Variants in UGT1A10 observed in about 807,000 individuals in gnomAD.
UGT1A10 encodes UDP glucuronosyltransferase family 1 member A10, also known as UDP-glucuronosyltransferase 1A10.
In UGT1A10, 49 loss-of-function variants were observed where a neutral mutation model predicts 45.8. That is an observed-to-expected ratio of 1.07 (90% CI 0.85 to 1.36). UGT1A10 has a LOEUF of 1.36. Ranked by LOEUF, UGT1A10 falls within the 40% of genes most tolerant of loss-of-function variation. UGT1A10 has a pLI of 0.00. For synonymous variants in UGT1A10, 284 were observed against 249.7 expected (o/e 1.14, Z -1.29); for missense variants, 745 against 668.6 (o/e 1.11, Z -1.26).
At chr2:233,665,875 C>T (rs552952595) in intron 1 of UGT1A10, among the ~76,000 whole-genome samples, 238 of 152,250 alleles carry the variant, frequency 1.6e-3, no homozygotes, top group Non-Finnish European at 1.7e-3. Flanking sequence ...TATTTACAAG[C>T]GGCCAGACCA....
intron 1 of UGT1A10, among the ~76,000 whole-genome samples, chr2:233,703,968 G>A (rs1458834723): frequency 2.6e-5 from 4 of 151,690 alleles, no homozygotes; most frequent in Non-Finnish European, 2.9e-5. Context: ...TTGGCCCACT[G>A]CAACCTCCGC....
chr2:233,687,395 A>G (rs1354430386), intron 1 of UGT1A10, among the ~76,000 whole-genome samples: 1 of 152,114 alleles, frequency 6.6e-6, no homozygotes, highest in East Asian at 1.9e-4. Flanking sequence ...TAAATATAAT[A>G]AAAGCTAACA....
At chr2:233,719,782 T>C in intron 1 of UGT1A10, 1 of 1,610,592 alleles carries the variant, frequency 6.2e-7, no homozygotes. Flanking sequence ...TACTTATCTT[T>C]CCAAAGATTT....
intron 1 of UGT1A10, among the ~76,000 whole-genome samples, chr2:233,736,107 T>G (rs1391401808): frequency 6.6e-6 from 1 of 152,266 alleles, no homozygotes; most frequent in Non-Finnish European, 1.5e-5. Flanking sequence ...AAGAGTGTTT[T>G]CCAACTTGTT....
At chr2:233,685,186 A>G (rs2074727180) in intron 1 of UGT1A10, among the ~76,000 whole-genome samples, 1 of 152,130 alleles carries the variant, frequency 6.6e-6, no homozygotes, top group Admixed American at 6.5e-5. Flanking sequence ...TCAGGAGAAC[A>G]TTAAAACGGT....
At chr2:233,717,369 C>T (rs1261511605) in intron 1 of UGT1A10, among the ~76,000 whole-genome samples, 1 of 152,214 alleles carries the variant, frequency 6.6e-6, no homozygotes, top group Non-Finnish European at 1.5e-5. Context: ...GTTCTCAAGC[C>T]CTTACAGACC....
chr2:233,718,916 G>C, intron 1 of UGT1A10: 1 of 1,614,098 alleles, frequency 6.2e-7, no homozygotes. Context: ...GAAAGGTGTT[G>C]GTGGTGCCCA....
At chr2:233,659,850 A>G (rs2073931449) in intron 1 of UGT1A10, among the ~76,000 whole-genome samples, 1 of 152,170 alleles carries the variant, frequency 6.6e-6, no homozygotes, top group Non-Finnish European at 1.5e-5. Context: ...CTTCTGCGAG[A>G]TTGTCTAATG....
intron 1 of UGT1A10, chr2:233,721,736 T>A: frequency 2.3e-6 from 1 of 427,568 alleles, no homozygotes; most frequent in Admixed American, 2.5e-5. Flanking sequence ...ATAAGCTTAA[T>A]GATGAGAGAA....
At chr2:233,672,897 T>A in intron 1 of UGT1A10, 1 of 1,511,396 alleles carries the variant, frequency 6.6e-7, no homozygotes, top group South Asian at 1.4e-5. Flanking sequence ...CATTTCAAAT[T>A]TCTTTCCAGT....
At chr2:233,696,659 A>G (rs989216959) in intron 1 of UGT1A10, among the ~76,000 whole-genome samples, 1 of 152,198 alleles carries the variant, frequency 6.6e-6, no homozygotes, top group Non-Finnish European at 1.5e-5. Context: ...TTCCAGTACT[A>G]TGAAGAATAA....
chr2:233,688,732 T>G (rs1017805179), intron 1 of UGT1A10, among the ~76,000 whole-genome samples: 1 of 152,124 alleles, frequency 6.6e-6, no homozygotes, highest in African/African-American at 2.4e-5. Context: ...AGTCTTTGAG[T>G]GACTGGGATA....
chr2:233,642,867 A>G (rs141119227), intron 1 of UGT1A10, among the ~76,000 whole-genome samples: 2,483 of 152,140 alleles, frequency 0.016, 36 homozygotes, highest in Middle Eastern at 0.048. Context: ...CCAAAAATAC[A>G]GAGTCTCTCT....
chr2:233,767,095 C>T lies in UGT1A10; in HGVS notation c.917C>T (p.Ser306Leu), dbSNP rs1301476253. The T allele has an allele frequency of 6.2e-7, 1 of 1,614,096 alleles. No homozygotes were observed. The highest frequency in any genetic ancestry group is 1.7e-5 in the Admixed American group (1 of 60,026). ...EHGIVVFSLG[S>L]MVSEIPEKKA... Reference sequence around the variant, plus strand: ...GGAATTGTGGTTTTCTCTTTGGGATCAATGGTCTCAGAAATTCCAGAGAAG... The same window carrying T: ...GGAATTGTGGTTTTCTCTTTGGGATTAATGGTCTCAGAAATTCCAGAGAAG... Residue 306 changes from serine (S) to leucine (L), a missense_variant, in exon 2 of 5, where the codon TCA (serine) becomes TTA (leucine). By Grantham distance (145) the Ser-to-Leu change is moderately radical (BLOSUM62 -2). Coordinates refer to ENST00000344644, the MANE Select transcript of UGT1A10 (RefSeq NM_019075.4).
chr2:233,685,959 A>G (rs1156258661), intron 1 of UGT1A10, among the ~76,000 whole-genome samples: 2 of 152,198 alleles, frequency 1.3e-5, no homozygotes, highest in Non-Finnish European at 2.9e-5. Flanking sequence ...TATGTAGATC[A>G]ATGGAATAGA....
intron 1 of UGT1A10, among the ~76,000 whole-genome samples, chr2:233,757,896 C>T (rs1297679272): frequency 6.6e-6 from 1 of 152,080 alleles, no homozygotes; most frequent in Non-Finnish European, 1.5e-5. Flanking sequence ...GAAACACTTT[C>T]CATGGACGTG....
At chr2:233,759,598 G>T (rs1449245871) in intron 1 of UGT1A10, among the ~76,000 whole-genome samples, 1 of 32,538 alleles carries the variant, frequency 3.1e-5, no homozygotes, top group Non-Finnish European at 7.1e-5. Flanking sequence ...CCCCACCCCC[G>T]ACCCGCCCCA....
intron 1 of UGT1A10, chr2:233,748,125 T>C: frequency 6.2e-7 from 1 of 1,610,546 alleles, no homozygotes; most frequent in South Asian, 1.1e-5. Context: ...GGCAAAACAG[T>C]TTTTAAAAAT....
At chr2:233,655,422 G>A (rs17864679) in intron 1 of UGT1A10, among the ~76,000 whole-genome samples, 3,513 of 152,302 alleles carry the variant, frequency 0.023, 56 homozygotes, top group Middle Eastern at 0.037. Flanking sequence ...TGGAGCACTG[G>A]AAGCTGGCCA....
Sources: allele counts gnomAD v4.1 joint callset (sites outside exome capture counted in the v4.1 genomes callset), GRCh38; gene constraint gnomAD v4.1.1; transcripts MANE v1.5; gene names NCBI Gene and HGNC (gene_info 2026-07-23, HGNC 2026-07-21).